PLEKHG1: variants seen among roughly 807,000 people sequenced by gnomAD.
PLEKHG1 encodes the protein pleckstrin homology and RhoGEF domain containing G1.
A neutral mutation model predicts 100.8 loss-of-function variants in PLEKHG1; 44 were observed. That is an observed-to-expected ratio of 0.44 (90% confidence interval 0.34 to 0.56). PLEKHG1 has a LOEUF of 0.56. Ranked by LOEUF, PLEKHG1 falls within the 20% of genes least tolerant of loss-of-function variation. The probability of loss-of-function intolerance (pLI) is 0.01; values close to 1 mark genes in which losing one functional copy is unlikely to be tolerated. For missense variants in PLEKHG1, 1,545 were observed against 1,720.9 expected (o/e 0.90, Z 1.81); for synonymous variants, 640 against 662.5 (o/e 0.97, Z 0.52).
intron 7 of PLEKHG1, among the ~76,000 whole-genome samples, chr6:150,806,829 CAAAAAAAA>C (rs3072754): frequency 1.6e-4 from 14 of 90,200 alleles, no homozygotes; most frequent in African/African-American, 5.1e-4. Context: ...GACTCCATCT[CAAAAAAAA>C]AAAAAAAAAA....
At chr6:150,652,127 T>C (rs1778770640) in intron 3 of PLEKHG1, 1 of 152,354 alleles carries the variant, frequency 6.6e-6, no homozygotes, top group Non-Finnish European at 1.5e-5. Context: ...TTCTTTAAGA[T>C]TGAAAATCTC....
At chr6:150,618,971 T>A (rs1010943519) in intron 1 of PLEKHG1, among the ~76,000 whole-genome samples, 8 of 152,176 alleles carry the variant, frequency 5.3e-5, no homozygotes, top group Non-Finnish European at 1.0e-4. Flanking sequence ...TAGTTCCAGC[T>A]ACTCCAGAGG....
At chr6:150,703,119 A>G (rs149157395) in intron 3 of PLEKHG1, among the ~76,000 whole-genome samples, 8 of 152,290 alleles carry the variant, frequency 5.3e-5, no homozygotes, top group East Asian at 3.9e-4. Context: ...TCAGGGAGGC[A>G]GGGGAGTCAG....
intron 15 of PLEKHG1, among the ~76,000 whole-genome samples, chr6:150,835,762 A>G (rs945230661): frequency 6.6e-6 from 1 of 152,128 alleles, no homozygotes; most frequent in Non-Finnish European, 1.5e-5. Context: ...TAGATGTCAC[A>G]CAAGCTATAG....
intron 3 of PLEKHG1, among the ~76,000 whole-genome samples, chr6:150,691,917 CTG>C (rs759437897): frequency 6.6e-6 from 1 of 152,246 alleles, no homozygotes. Flanking sequence ...TCTACCCAAA[CTG>C]TGTTTCCTCA....
intron 3 of PLEKHG1, among the ~76,000 whole-genome samples, chr6:150,700,574 C>T (rs991659757): frequency 1.3e-5 from 2 of 152,198 alleles, no homozygotes; most frequent in African/African-American, 4.8e-5. Context: ...CCCCCCTTCA[C>T]CCCCAAGTCA....
intron 2 of PLEKHG1, among the ~76,000 whole-genome samples, chr6:150,764,123 C>T (rs13200429): frequency 0.35 from 51,453 of 145,408 alleles, 10,965 homozygotes; most frequent in African/African-American, 0.59. Context: ...TTTTCTTTTT[C>T]TTTTTTTTTT....
At chr6:150,738,202 T>G (rs1464742342) in intron 2 of PLEKHG1, among the ~76,000 whole-genome samples, 1 of 152,152 alleles carries the variant, frequency 6.6e-6, no homozygotes, top group African/African-American at 2.4e-5. Context: ...AGTAGCATGA[T>G]TTCTGACTTT....
intron 2 of PLEKHG1, among the ~76,000 whole-genome samples, chr6:150,751,504 CAACCAGGA>C (rs1783510074): frequency 6.6e-6 from 1 of 152,150 alleles, no homozygotes; most frequent in African/African-American, 2.4e-5. Flanking sequence ...CTCAAAAATG[CAACCAGGA>C]AATAAGTAAG....
chr6:150,818,086 A>G, intron 10 of PLEKHG1, 97 bp from the exon 12 acceptor site: 1 of 946,032 alleles, frequency 1.1e-6, no homozygotes, highest in Non-Finnish European at 1.7e-6. Context: ...CGTTTTTAAA[A>G]ATCTATTTAT....
At chr6:150,816,458 G>A (rs1298346881) in intron 10 of PLEKHG1, among the ~76,000 whole-genome samples, 1 of 145,704 alleles carries the variant, frequency 6.9e-6, no homozygotes, top group African/African-American at 2.5e-5. Flanking sequence ...CTCCTGAGTA[G>A]CTGGGATGTC....
intron 2 of PLEKHG1, among the ~76,000 whole-genome samples, chr6:150,738,405 AAC>A (rs1483811222): frequency 6.6e-6 from 1 of 152,156 alleles, no homozygotes; most frequent in East Asian, 1.9e-4. Context: ...TTGACATTTC[AAC>A]ACAGTCGCAA....
At chr6:150,622,311 CAA>C (rs1777334308) in intron 1 of PLEKHG1, among the ~76,000 whole-genome samples, 1 of 152,118 alleles carries the variant, frequency 6.6e-6, no homozygotes, top group South Asian at 2.1e-4. Context: ...CTTTCAGTAA[CAA>C]AGAGGCAACA....
intron 1 of PLEKHG1, among the ~76,000 whole-genome samples, chr6:150,723,261 G>A (rs934084269): frequency 2.0e-5 from 3 of 152,140 alleles, no homozygotes; most frequent in Non-Finnish European, 4.4e-5. Flanking sequence ...CAGAGCCAGG[G>A]CAAACATGCA....
intron 3 of PLEKHG1, among the ~76,000 whole-genome samples, chr6:150,784,537 A>C (rs1785494111): frequency 6.6e-6 from 1 of 152,236 alleles, no homozygotes; most frequent in Non-Finnish European, 1.5e-5. Context: ...CTCCCAAAGG[A>C]AGGAATACAT....
chr6:150,657,810 C>T (rs975911185), intron 3 of PLEKHG1, among the ~76,000 whole-genome samples: 5 of 152,226 alleles, frequency 3.3e-5, no homozygotes, highest in Non-Finnish European at 5.9e-5. Context: ...CAGAGGCTTG[C>T]TCAGGGACCA....
intron 7 of PLEKHG1, among the ~76,000 whole-genome samples, chr6:150,806,947 C>T (rs1320185565): frequency 1.3e-5 from 2 of 152,112 alleles, no homozygotes; most frequent in Non-Finnish European, 2.9e-5. Flanking sequence ...TTTCTCCCTC[C>T]CACCTGGGAC....
chr6:150,750,875 A>G (rs1021563049), intron 2 of PLEKHG1, among the ~76,000 whole-genome samples: 1 of 152,132 alleles, frequency 6.6e-6, no homozygotes, highest in African/African-American at 2.4e-5. Flanking sequence ...AAAATCTCCA[A>G]GAACTGAATC....
chr6:150,601,488 C>T (rs1776356840), intron 1 of PLEKHG1, among the ~76,000 whole-genome samples: 1 of 152,128 alleles, frequency 6.6e-6, no homozygotes, highest in South Asian at 2.1e-4. Context: ...ATTTGGTCTA[C>T]AATATTTAAG....
Sources: gnomAD v4.1 joint callset for allele counts (sites outside exome capture counted in the v4.1 genomes callset) on GRCh38, gnomAD v4.1.1 for gene constraint, MANE v1.5 for transcripts, NCBI Gene and HGNC (gene_info 2026-07-23, HGNC 2026-07-21) for gene names.